Variants in CNTN3 observed in about 807,000 individuals in gnomAD.
The protein encoded by CNTN3 is contactin-3.
CNTN3 carries 60 observed loss-of-function variants against 119.1 expected under a neutral mutation model. The observed-to-expected ratio is 0.50, with a 90% CI of 0.41 to 0.62. The LOEUF is 0.62. CNTN3 is among the 20% of genes least tolerant of loss of function. The pLI is 0.00. For synonymous variants in CNTN3, 450 were observed against 438.7 expected (o/e 1.03, Z -0.32); for missense variants, 1,101 against 1,242.4 (o/e 0.89, Z 1.71).
intron 11 of CNTN3, among the ~76,000 whole-genome samples, chr3:74,339,284 T>C (rs1056315714): frequency 1.8e-4 from 28 of 152,106 alleles, no homozygotes; most frequent in South Asian, 4.1e-4. Context: ...ATCCTAAGCC[T>C]GAACCATATC....
chr3:74,555,614 T>G (rs1002893890), intron 1 of CNTN3, among the ~76,000 whole-genome samples: 1 of 152,208 alleles, frequency 6.6e-6, no homozygotes, highest in African/African-American at 2.4e-5. Context: ...TATTCACAGA[T>G]TAAACTTCTT....
At position 74,295,255 on chromosome 3, in the gene CNTN3, T is replaced by C. The variant is rs769445686; in HGVS notation, c.2402-19A>G. 4 of 1,342,910 alleles carry C rather than the reference T, an allele frequency of 3.0e-6. No individual in the cohort carries two copies. The highest frequency in any genetic ancestry group is 4.2e-6 in the Non-Finnish European group (4 of 946,048). 83.2% of individuals were successfully genotyped at this position (1,342,910 alleles called of 1,614,324 possible). A position where few individuals can be genotyped will look rare whatever the true frequency, so the allele number is the denominator to read the frequency against. The stretch of plus-strand genomic sequence containing the variant: ...GTAGGCTCTGTTCGGAAACAGAAAT[T>C]GAAATATGATGATAATTTTGGCAGT... On this transcript the variant is annotated intron_variant, in intron 18 of 22. Transcript: ENST00000263665.
At chr3:74,552,711 G>C (rs528163532) in intron 1 of CNTN3, among the ~76,000 whole-genome samples, 3 of 152,242 alleles carry the variant, frequency 2.0e-5, no homozygotes, top group East Asian at 3.9e-4. Flanking sequence ...TGTACAAAAG[G>C]GGAGTTGACT....
chr3:74,397,160 A>C (rs541575029), intron 5 of CNTN3, among the ~76,000 whole-genome samples: 1 of 152,318 alleles, frequency 6.6e-6, no homozygotes, highest in East Asian at 1.9e-4. Flanking sequence ...TAGGGTTACT[A>C]AGAATTCCAC....
At chr3:74,277,958 C>T (rs1328241081) in intron 20 of CNTN3, among the ~76,000 whole-genome samples, 1 of 151,706 alleles carries the variant, frequency 6.6e-6, no homozygotes, top group Non-Finnish European at 1.5e-5. Flanking sequence ...AGTAGCTCTT[C>T]TACACACCAA....
chr3:74,508,659 C>T (rs935691539), intron 2 of CNTN3, among the ~76,000 whole-genome samples: 1 of 151,896 alleles, frequency 6.6e-6, no homozygotes. Context: ...AACTTTTTTC[C>T]TTTATATTCT....
At chr3:74,390,776 C>T (rs190596325) in intron 5 of CNTN3, among the ~76,000 whole-genome samples, 23 of 152,172 alleles carry the variant, frequency 1.5e-4, no homozygotes, top group Middle Eastern at 3.4e-3. Context: ...CCATTATAAA[C>T]GTGGTAATGG....
intron 20 of CNTN3, among the ~76,000 whole-genome samples, chr3:74,275,497 G>A (rs1701861481): frequency 6.6e-6 from 1 of 152,134 alleles, no homozygotes; most frequent in Non-Finnish European, 1.5e-5. Flanking sequence ...CCAATCTTCA[G>A]CCTCCTCAAA....
chr3:74,309,552 T>C (rs1702636628), intron 13 of CNTN3, among the ~76,000 whole-genome samples: 1 of 152,122 alleles, frequency 6.6e-6, no homozygotes, highest in South Asian at 2.1e-4. Context: ...GGAAATCTTT[T>C]TAAGAAAATA....
intron 14 of CNTN3, 74 bp from the exon 15 acceptor site, chr3:74,301,879 A>C: frequency 9.3e-6 from 14 of 1,500,414 alleles, no homozygotes; most frequent in Non-Finnish European, 1.3e-5. Context: ...AGAGAAGAGA[A>C]TGTCACATGA....
Position 74,336,604 on chromosome 3 carries a change from A to AGG in CNTN3, c.1418_1419insCC (p.Ala474LeufsTer30). ...CTGCCATGCAGGTGTAAGTTCCAGC[A>AGG]TCAGCTTTAGTCACATTGGCTATTT... On this transcript the variant is annotated frameshift_variant, in exon 12 of 23. Coordinates refer to ENST00000263665, the MANE Select transcript of CNTN3 (RefSeq NM_020872.3). LOFTEE classifies it high-confidence loss of function. The AGG allele has an allele frequency of 6.2e-7, 1 of 1,612,702 alleles. No individual in the cohort carries two copies. The highest frequency in any genetic ancestry group is 8.5e-7 in the Non-Finnish European group (1 of 1,179,004).
intron 19 of CNTN3, among the ~76,000 whole-genome samples, chr3:74,286,781 G>T (rs1028212882): frequency 1.3e-5 from 2 of 152,204 alleles, no homozygotes; most frequent in Non-Finnish European, 2.9e-5. Flanking sequence ...AGACTGAATT[G>T]TGGTTCTCAA....
At chr3:74,541,090 T>C (rs545023638) in intron 1 of CNTN3, among the ~76,000 whole-genome samples, 2 of 152,142 alleles carry the variant, frequency 1.3e-5, no homozygotes, top group Non-Finnish European at 2.9e-5. Context: ...CAAGTGTTCA[T>C]GAGTCAGTGA....
chr3:74,561,119 T>C (rs1704146837), intron 1 of CNTN3, among the ~76,000 whole-genome samples: 2 of 151,464 alleles, frequency 1.3e-5, no homozygotes, highest in Admixed American at 1.3e-4. Flanking sequence ...GGCACATGTA[T>C]ACATATGTAA....
At chr3:74,479,138 G>C (rs1702713573) in intron 4 of CNTN3, among the ~76,000 whole-genome samples, 2 of 151,914 alleles carry the variant, frequency 1.3e-5, no homozygotes, top group African/African-American at 4.8e-5. Flanking sequence ...CAAGATGCAA[G>C]TAATAATATG....
chr3:74,361,726 CT>C (rs1704077076), intron 11 of CNTN3, among the ~76,000 whole-genome samples, 163 bp downstream of exon 11: 1 of 152,148 alleles, frequency 6.6e-6, no homozygotes, highest in African/African-American at 2.4e-5. Context: ...ACTGAATACT[CT>C]TACAAAGGTA....
intron 19 of CNTN3, among the ~76,000 whole-genome samples, chr3:74,288,303 T>G (rs1702157266): frequency 6.6e-6 from 1 of 151,614 alleles, no homozygotes; most frequent in Non-Finnish European, 1.5e-5. Flanking sequence ...GGATTATAGG[T>G]GCCTGCCACT....
chr3:74,576,053 C>T (rs1303270508), intron 1 of CNTN3, among the ~76,000 whole-genome samples: 4 of 152,050 alleles, frequency 2.6e-5, no homozygotes, highest in Admixed American at 6.5e-5. Flanking sequence ...GGGCCCTAGG[C>T]GTCTGCTCCT....
intron 1 of CNTN3, among the ~76,000 whole-genome samples, chr3:74,597,637 G>C (rs192449517): frequency 3.8e-4 from 58 of 152,062 alleles, no homozygotes; most frequent in Admixed American, 3.7e-3. Flanking sequence ...TCAGGGATTT[G>C]TACTTTGCAT....
Sources: allele counts gnomAD v4.1 joint callset (sites outside exome capture counted in the v4.1 genomes callset), GRCh38; gene constraint gnomAD v4.1.1; transcripts MANE v1.5; gene names NCBI Gene and HGNC (gene_info 2026-07-23, HGNC 2026-07-21).